PRKAR1A: variants seen among roughly 807,000 people sequenced by gnomAD.
PRKAR1A encodes protein kinase cAMP-dependent type I regulatory subunit alpha.
A neutral mutation model predicts 52.0 loss-of-function variants in PRKAR1A; 3 were observed. The ratio of observed to expected loss-of-function variants is 0.06; its 90% CI spans 0.03 to 0.15. PRKAR1A has a LOEUF of 0.15. Ranked by LOEUF, PRKAR1A falls within the 10% of genes least tolerant of loss-of-function variation. The pLI is 1.00. For synonymous variants in PRKAR1A, 188 were observed against 168.4 expected, an observed-to-expected ratio of 1.12 and a Z score of -0.90; for missense variants, 240 against 477.4, an observed-to-expected ratio of 0.50 and a Z score of 4.63.
At chr17:68,498,932 C>T in the PRKAR1A span, among the ~76,000 whole-genome samples, 1 of 152,206 alleles carries the variant, frequency 6.6e-6, no homozygotes, top group Non-Finnish European at 1.5e-5. Flanking sequence ...TTAGGGTCCT[C>T]GTTCACACCC....
the PRKAR1A span, among the ~76,000 whole-genome samples, chr17:68,423,786 A>AGG: frequency 1.3e-5 from 2 of 152,212 alleles, no homozygotes; most frequent in Non-Finnish European, 2.9e-5. The surrounding 1 kb of genome is among the most constrained non-coding windows in gnomAD (Gnocchi z 4.4). Context: ...TATTTTATAC[A>AGG]GGTTCTTTGG....
the PRKAR1A span, among the ~76,000 whole-genome samples, chr17:68,471,028 G>A: frequency 6.6e-6 from 1 of 152,118 alleles, no homozygotes; most frequent in African/African-American, 2.4e-5. Context: ...TTATTGTTTT[G>A]TATAAATGAA....
chr17:68,528,952 G>A lies in PRKAR1A; in HGVS notation c.852G>A (p.Val284=), dbSNP rs771167809. 74 of 1,613,876 alleles carry A rather than the reference G, an allele frequency of 4.6e-5. No homozygotes were observed. Among genetic ancestry groups the A allele is most frequent in the Non-Finnish European group, 6.0e-5 (71 of 1,179,898 alleles). ...VQFEDGQKIV[V]QGEPGDEFFI... ...TTGAAGATGGGCAGAAGATTGTGGT[G>A]CAGGGAGAACCAGGGGATGAGTTCT... is the stretch of plus-strand genomic sequence containing the variant. Residue 284 remains valine (V), a synonymous_variant, in exon 9 of 11, where the codon GTG becomes GTA. Coordinates refer to ENST00000589228, the MANE Select transcript of PRKAR1A (RefSeq NM_002734.5).
the PRKAR1A span, among the ~76,000 whole-genome samples, chr17:68,446,844 G>A: frequency 1.3e-5 from 2 of 152,102 alleles, no homozygotes; most frequent in African/African-American, 4.8e-5. Flanking sequence ...TCTGCTCTGC[G>A]GCTCACTCAG....
chr17:68,464,644 G>A, the PRKAR1A span, among the ~76,000 whole-genome samples: 93 of 149,506 alleles, frequency 6.2e-4, no homozygotes, highest in African/African-American at 2.1e-3. Flanking sequence ...TCGTGCCGCC[G>A]CACACTGTAC....
chr17:68,483,318 T>G, the PRKAR1A span, among the ~76,000 whole-genome samples: 2 of 151,720 alleles, frequency 1.3e-5, no homozygotes, highest in African/African-American at 4.8e-5. Context: ...CCATCTCTAC[T>G]AAAAATACAA....
At chr17:68,537,228 G>T, downstream of PRKAR1A, 1 of 646,646 alleles carries the variant, frequency 1.5e-6, no homozygotes, top group Non-Finnish European at 2.8e-6. The surrounding 1 kb of genome is among the most constrained non-coding windows in gnomAD (Gnocchi z 4.2). Context: ...TCAGGAGATC[G>T]TCGGTGGCCT....
the PRKAR1A span, chr17:68,434,733 G>A: frequency 9.1e-7 from 1 of 1,101,554 alleles, no homozygotes; most frequent in Non-Finnish European, 1.3e-6. Context: ...TGTCTCTGAG[G>A]AGGAAGAACA....
At position 68,517,371 on chromosome 17, in the gene PRKAR1A, G is replaced by A. The variant is rs1002360367; in HGVS notation, c.177+1795G>A. On this transcript the variant is annotated intron_variant, in intron 2 of 10. Transcript: ENST00000589228. ...GTCATGCTGCTAATAAAGACATACCGAGGCTGGGTAATTCATAAAGGAAAG... is the reference window on the plus strand; with the variant it reads ...GTCATGCTGCTAATAAAGACATACCAAGGCTGGGTAATTCATAAAGGAAAG... 3.3e-5 allele frequency among the ~76,000 whole-genome samples: 5 copies of A among 152,136 alleles called. No individual in the cohort carries two copies. The South Asian group carries it at 6.2e-4, about 19-fold the overall frequency.
chr17:68,434,066 G>T, the PRKAR1A span, among the ~76,000 whole-genome samples: 10 of 152,068 alleles, frequency 6.6e-5, no homozygotes, highest in East Asian at 1.9e-3. Context: ...CACCGCGCCC[G>T]GCCCATAGTC....
At chr17:68,504,342 CTG>C in the PRKAR1A span, among the ~76,000 whole-genome samples, 2 of 152,060 alleles carry the variant, frequency 1.3e-5, no homozygotes, top group Non-Finnish European at 2.9e-5. Flanking sequence ...TGGTGCACAC[CTG>C]TAATCTCAGC....
At chr17:68,426,241 G>GT in the PRKAR1A span, 40 of 1,107,420 alleles carry the variant, frequency 3.6e-5, 1 homozygote, top group Middle Eastern at 3.0e-4. Flanking sequence ...GACCTGGCGG[G>GT]TGGGGAGCGG....
chr17:68,526,932 A>G (rs1350418981), intron 7 of PRKAR1A, among the ~76,000 whole-genome samples: 5 of 152,226 alleles, frequency 3.3e-5, no homozygotes. Context: ...CACACAAAAA[A>G]ACGCTTATGG....
At chr17:68,537,883 C>A, downstream of PRKAR1A, 1 of 995,256 alleles carries the variant, frequency 1.0e-6, no homozygotes, top group Non-Finnish European at 1.5e-6. This position sits in a 1 kb window ranked among gnomAD's most constrained non-coding sequence, Gnocchi z 4.2. Flanking sequence ...TTAATGGAAA[C>A]CAGGTAAAAA....
the PRKAR1A span, chr17:68,426,254 G>GGGGGGGGCCCCCCCCCC: frequency 1.2e-6 from 1 of 816,918 alleles, no homozygotes; most frequent in East Asian, 3.5e-5. Context: ...GGGAGCGGGG[G>GGGGGGGGCCCCCCCCCC]CTCAAATAAA....
At chr17:68,457,279 G>C in the PRKAR1A span, 2 of 1,519,396 alleles carry the variant, frequency 1.3e-6, no homozygotes, top group East Asian at 2.7e-5. Context: ...CTCTCAGGAC[G>C]ACACCCCTGG....
intron 2 of PRKAR1A, among the ~76,000 whole-genome samples, chr17:68,521,767 A>G (rs1055694133): frequency 6.6e-6 from 1 of 152,250 alleles, no homozygotes; most frequent in Admixed American, 6.5e-5. Flanking sequence ...AATGCTGCCA[A>G]TGTTCTGGAG....
chr17:68,444,469 A>G, the PRKAR1A span: 1 of 1,599,528 alleles, frequency 6.3e-7, no homozygotes, highest in Non-Finnish European at 8.5e-7. Context: ...TTTCAGGGAC[A>G]TTTGTTCCAT....
chr17:68,525,653 C>CT, intron 6 of PRKAR1A, 101 bp from the exon 7 acceptor site: 1 of 1,318,840 alleles, frequency 7.6e-7, no homozygotes, highest in Non-Finnish European at 1.1e-6. Flanking sequence ...TTTTTTAAAA[C>CT]AAAGTTCAGG....
Sources: allele counts gnomAD v4.1 joint callset (sites outside exome capture counted in the v4.1 genomes callset), GRCh38; gene constraint gnomAD v4.1.1; non-coding constraint Gnocchi (gnomAD v3.1); transcripts MANE v1.5; gene names NCBI Gene and HGNC (gene_info 2026-07-23, HGNC 2026-07-21).